The following PCDHGB1 variants were observed in gnomAD, a reference collection of about 807,000 sequenced individuals.
PCDHGB1 encodes the protein protocadherin gamma subfamily B, 1.
Under a neutral mutation model 56.6 loss-of-function variants are expected in PCDHGB1, and 34 were observed. That is an observed-to-expected ratio of 0.60 (90% CI 0.46 to 0.80). The LOEUF (loss-of-function observed/expected upper bound fraction) is 0.80. Among genes scored for constraint, PCDHGB1 ranks in the 30% least tolerant of loss-of-function variants. The probability of loss-of-function intolerance (pLI) is 0.00; values close to 1 mark genes in which losing one functional copy is unlikely to be tolerated. For synonymous variants in PCDHGB1, 561 were observed against 505.9 expected, an observed-to-expected ratio of 1.11 and a Z score of -1.46; for missense variants, 1,278 against 1,204.6, an observed-to-expected ratio of 1.06 and a Z score of -0.90.
intron 1 of PCDHGB1, chr5:141,429,169 T>TACAC (rs10667977): frequency 0.077 from 11,199 of 145,388 alleles, 458 homozygotes; most frequent in African/African-American, 0.081. Flanking sequence ...ACATTGTTTA[T>TACAC]ACACACACAC....
chr5:141,474,093 C>G (rs2099341169), intron 1 of PCDHGB1, among the ~76,000 whole-genome samples: 1 of 152,098 alleles, frequency 6.6e-6, no homozygotes, highest in African/African-American at 2.4e-5. Flanking sequence ...AAAAAACAAA[C>G]AACAACAAAA....
In PCDHGB1 at chr5:141,476,737, G is replaced by A. The variant is rs1420138912; in HGVS notation, c.2410-18070G>A. ...AGCGCGCCCTGGACCGAGAACGGGA[G>A]CCTAGTCTCCAGTTAGTGCTGACGG... is the stretch of plus-strand genomic sequence containing the variant. On this transcript the variant is annotated intron_variant, in intron 1 of 3. Coordinates refer to ENST00000523390, the MANE Select transcript of PCDHGB1 (RefSeq NM_018922.3). This position sits in a 1 kb window ranked among gnomAD's most constrained non-coding sequence, Gnocchi z 7.6. The A allele has an allele frequency of 3.1e-6, 5 of 1,613,982 alleles. No individual in the cohort carries two copies. Among genetic ancestry groups the A allele is most frequent in the Non-Finnish European group, 4.2e-6 (5 of 1,180,038 alleles).
chr5:141,365,483 T>G, intron 1 of PCDHGB1: 1 of 1,614,018 alleles, frequency 6.2e-7, no homozygotes, highest in Non-Finnish European at 8.5e-7. Context: ...GATTGCATGC[T>G]CTATTCCTAG....
Position 141,491,665 on chromosome 5 carries a change from C to T in PCDHGB1, c.2410-3142C>T, listed in dbSNP as rs749918160. 6.2e-7 allele frequency: 1 copy of T among 1,613,764 alleles called. No homozygotes were observed. The highest frequency in any genetic ancestry group is 8.5e-7 in the Non-Finnish European group (1 of 1,180,000). On this transcript the variant is annotated intron_variant, in intron 1 of 3. Transcript: ENST00000523390. The surrounding 1 kb of genome is among the most constrained non-coding windows in gnomAD (Gnocchi z 6.9). ...TCTGGCGCTGGAGCCTGACGCCATCCGGTCCCGCTCTAATACGCTGCGGGA... is the reference window on the plus strand; with the variant it reads ...TCTGGCGCTGGAGCCTGACGCCATCTGGTCCCGCTCTAATACGCTGCGGGA...
At chr5:141,417,068 T>C (rs1433034146) in intron 1 of PCDHGB1, 1 of 152,154 alleles carries the variant, frequency 6.6e-6, no homozygotes, top group African/African-American at 2.4e-5. Context: ...ATTGTAGCTA[T>C]TGTGAGAAAA....
intron 1 of PCDHGB1, chr5:141,419,610 C>G: frequency 1.9e-6 from 3 of 1,612,130 alleles, no homozygotes; most frequent in Middle Eastern, 1.8e-4. Flanking sequence ...GCCGCGCAGC[C>G]AGGCTACCTG....
Position 141,403,041 on chromosome 5 carries a change from A to G in PCDHGB1, c.2409+50372A>G, listed in dbSNP as rs202099773. Reference sequence around the variant, plus strand: ...ATGCTATGGGAGGCCAGGGCCAGTCAGATTCGCTACTCAGTGCCTGAAGAG... The same window carrying G: ...ATGCTATGGGAGGCCAGGGCCAGTCGGATTCGCTACTCAGTGCCTGAAGAG... On this transcript the variant is annotated intron_variant, in intron 1 of 3. Transcript: ENST00000523390. 7.2e-5 allele frequency: 116 copies of G among 1,613,966 alleles called. No homozygotes were observed. Among genetic ancestry groups the G allele is most frequent in the Non-Finnish European group, 9.6e-5 (113 of 1,179,918 alleles).
chr5:141,370,915 C>T, intron 1 of PCDHGB1: 1 of 1,614,006 alleles, frequency 6.2e-7, no homozygotes, highest in Non-Finnish European at 8.5e-7. Context: ...TACCTCAGCC[C>T]TGATCCGCAC....
intron 1 of PCDHGB1, chr5:141,366,857 T>C: frequency 6.9e-6 from 10 of 1,438,966 alleles, no homozygotes; most frequent in Non-Finnish European, 9.4e-6. Flanking sequence ...AGTGGAACAT[T>C]ATTTGCTGTA....
At chr5:141,365,799 C>G (rs755374983) in intron 1 of PCDHGB1, 1 of 1,613,942 alleles carries the variant, frequency 6.2e-7, no homozygotes, top group South Asian at 1.1e-5. Flanking sequence ...GTCACCTACT[C>G]CCTGGCTGAA....
At chr5:141,473,102 C>T (rs1465515592) in intron 1 of PCDHGB1, among the ~76,000 whole-genome samples, 1 of 152,054 alleles carries the variant, frequency 6.6e-6, no homozygotes, top group Non-Finnish European at 1.5e-5. Flanking sequence ...AGTTGTATTA[C>T]CACACTTTAC....
intron 1 of PCDHGB1, chr5:141,399,936 C>A (rs1370105984): frequency 6.2e-7 from 1 of 1,612,268 alleles, no homozygotes; most frequent in African/African-American, 1.3e-5. Flanking sequence ...TGTCCTACCA[C>A]GTGCTGCAGG....
intron 3 of PCDHGB1, among the ~76,000 whole-genome samples, chr5:141,510,329 A>G (rs1433056614): frequency 6.7e-6 from 1 of 150,230 alleles, no homozygotes; most frequent in South Asian, 2.1e-4. Context: ...AGCACTCTTC[A>G]CCCCCACCCC....
chr5:141,364,481 G>A, intron 1 of PCDHGB1: 2 of 1,614,028 alleles, frequency 1.2e-6, no homozygotes, highest in Non-Finnish European at 1.7e-6. Context: ...CATAGCCAAG[G>A]ACCTTGGGCT....
chr5:141,409,912 C>T (rs775668669), intron 1 of PCDHGB1: 5 of 1,613,180 alleles, frequency 3.1e-6, no homozygotes, highest in Non-Finnish European at 2.5e-6. Context: ...TGGGTCCTGA[C>T]GGCTCCGCGT....
chr5:141,384,995 C>T (rs1485778293), intron 1 of PCDHGB1: 2 of 1,614,034 alleles, frequency 1.2e-6, no homozygotes, highest in African/African-American at 1.3e-5. Context: ...GCGGTGGCCA[C>T]AGTCTCCTGC....
Position 141,431,804 on chromosome 5 carries a change from C to G in PCDHGB1, c.2410-63003C>G. On this transcript the variant is annotated intron_variant, in intron 1 of 3. Transcript: ENST00000523390. This position sits in a 1 kb window ranked among gnomAD's most constrained non-coding sequence, Gnocchi z 4.8. Reference sequence around the variant, plus strand: ...GAACGACAATGCCCCAGAAGTGGTCCTCACCTCTCTCGCCAGCTCGGTTCC... The same window carrying G: ...GAACGACAATGCCCCAGAAGTGGTCGTCACCTCTCTCGCCAGCTCGGTTCC... 6.2e-7 allele frequency: 1 copy of G among 1,614,232 alleles called. No homozygotes were observed. The highest frequency in any genetic ancestry group is 1.3e-5 in the African/African-American group (1 of 75,056).
rs561499055 is a variant in PCDHGB1 at position 141,423,745 on chromosome 5, C to G, written c.2410-71062C>G. 10 of 605,688 alleles carry G rather than the reference C, an allele frequency of 1.7e-5. No individual in the cohort carries two copies. The East Asian group carries it at 3.1e-4, about 19-fold the overall frequency. The allele number at this position is 605,688 out of a possible 1,614,324, so 37.5% of individuals were successfully genotyped here. A position where few individuals can be genotyped will look rare whatever the true frequency, so the allele number is the denominator to read the frequency against. The stretch of plus-strand genomic sequence containing the variant: ...ATGTTTTTTGAGCCTGTTATGAAAA[C>G]TGTTTGGGGGGGGGGTGGGGCGGCA... On this transcript the variant is annotated intron_variant, in intron 1 of 3. Coordinates refer to ENST00000523390, the MANE Select transcript of PCDHGB1 (RefSeq NM_018922.3).
intron 1 of PCDHGB1, among the ~76,000 whole-genome samples, chr5:141,381,978 C>T (rs1002371340): frequency 6.6e-6 from 1 of 151,452 alleles, no homozygotes; most frequent in Non-Finnish European, 1.5e-5. Flanking sequence ...TACAGGCGCG[C>T]GCCACCACGC....
Sources: gnomAD v4.1 joint callset for allele counts (sites outside exome capture counted in the v4.1 genomes callset) on GRCh38, gnomAD v4.1.1 for gene constraint, Gnocchi (gnomAD v3.1) non-coding constraint, MANE v1.5 for transcripts, NCBI Gene and HGNC (gene_info 2026-07-23, HGNC 2026-07-21) for gene names.